The following ABCA12 variants were observed in gnomAD, a reference collection of about 807,000 sequenced individuals.
The protein encoded by ABCA12 is ATP binding cassette subfamily A member 12.
ABCA12 carries 156 observed loss-of-function variants against 293.5 expected under a neutral mutation model. The observed-to-expected ratio is 0.53, with a 90% CI of 0.47 to 0.61. The LOEUF (loss-of-function observed/expected upper bound fraction) is 0.61. Ranked by LOEUF, ABCA12 falls within the 20% of genes least tolerant of loss-of-function variation. The pLI, the probability that ABCA12 is intolerant of heterozygous loss-of-function variation, is 0.00. For synonymous variants in ABCA12, 1,063 were observed against 1,108.0 expected, an observed-to-expected ratio of 0.96 and a Z score of 0.81; for missense variants, 2,797 against 3,090.2, an observed-to-expected ratio of 0.91 and a Z score of 2.25.
intron 1 of ABCA12, among the ~76,000 whole-genome samples, chr2:215,126,206 G>A (rs1321840426): frequency 6.6e-6 from 1 of 152,004 alleles, no homozygotes; most frequent in Non-Finnish European, 1.5e-5. Flanking sequence ...CAAGTATTTT[G>A]TTAAGGATTT....
At chr2:215,010,305 T>C in intron 18 of ABCA12, 26 bp downstream of exon 18, 1 of 1,613,136 alleles carries the variant, frequency 6.2e-7, no homozygotes, top group Non-Finnish European at 8.5e-7. Context: ...ATAGTCAAAA[T>C]AGAAACTGAG....
At chr2:215,025,631 TTTTTTTTTG>T in intron 11 of ABCA12, 33 bp downstream of exon 11, 1 of 1,176,980 alleles carries the variant, frequency 8.5e-7, no homozygotes, top group Non-Finnish European at 1.1e-6. Context: ...TCTTTTTGTT[TTTTTTTTTG>T]TTTTTTGTTT....
intron 2 of ABCA12, among the ~76,000 whole-genome samples, chr2:215,108,317 C>T (rs1702503898): frequency 6.6e-6 from 1 of 152,182 alleles, no homozygotes; most frequent in African/African-American, 2.4e-5. Flanking sequence ...TTCTTGATTT[C>T]ATAATTGAGG....
At chr2:214,971,992 T>C (rs536908125) in intron 36 of ABCA12, among the ~76,000 whole-genome samples, 1 of 152,344 alleles carries the variant, frequency 6.6e-6, no homozygotes. Context: ...TAAATTTGTA[T>C]GTCCCTGATG....
chr2:215,129,784 T>A (rs1703012849), intron 1 of ABCA12, among the ~76,000 whole-genome samples: 1 of 152,230 alleles, frequency 6.6e-6, no homozygotes, highest in Non-Finnish European at 1.5e-5. Flanking sequence ...TTTTGGGGTC[T>A]TCATTATAAA....
intron 2 of ABCA12, among the ~76,000 whole-genome samples, chr2:215,097,013 T>C (rs571473126): frequency 6.6e-6 from 1 of 152,142 alleles, no homozygotes; most frequent in Non-Finnish European, 1.5e-5. Context: ...CAGACTTAGG[T>C]ATAGATCCTA....
chr2:215,115,739 T>C (rs1397784040), intron 1 of ABCA12, among the ~76,000 whole-genome samples: 1 of 152,192 alleles, frequency 6.6e-6, no homozygotes, highest in Non-Finnish European at 1.5e-5. Flanking sequence ...TTCTTCTTCT[T>C]TTCCTGAAAA....
chr2:215,097,942 C>T (rs1340099881), intron 2 of ABCA12, among the ~76,000 whole-genome samples: 1 of 152,090 alleles, frequency 6.6e-6, no homozygotes, highest in African/African-American at 2.4e-5. Flanking sequence ...ACCTGCATAA[C>T]AAAGTTCTAT....
chr2:215,030,954 C>A (rs558801258), intron 9 of ABCA12, among the ~76,000 whole-genome samples: 2 of 152,222 alleles, frequency 1.3e-5, no homozygotes, highest in South Asian at 4.1e-4. Flanking sequence ...AAAAGAATTT[C>A]AATAGTATAA....
chr2:214,978,168 TA>T, intron 33 of ABCA12, 147 bp downstream of exon 33: 1 of 924,082 alleles, frequency 1.1e-6, no homozygotes, highest in Non-Finnish European at 1.6e-6. Flanking sequence ...TTTTATATCT[TA>T]AAAAAGGAGG....
chr2:215,104,162 G>A (rs961743838), intron 2 of ABCA12, among the ~76,000 whole-genome samples: 3 of 152,088 alleles, frequency 2.0e-5, no homozygotes, highest in African/African-American at 4.8e-5. Flanking sequence ...TCCCATGGCC[G>A]ATTTCACTGA....
chr2:215,137,968 A>T (rs188588089), intron 1 of ABCA12, among the ~76,000 whole-genome samples, 172 bp downstream of exon 1: 10 of 152,082 alleles, frequency 6.6e-5, no homozygotes, highest in Admixed American at 4.6e-4. Flanking sequence ...GCATGTTAAG[A>T]CTCGCTCCAT....
At chr2:214,949,517 T>G (rs1359757124) in intron 45 of ABCA12, among the ~76,000 whole-genome samples, 1 of 152,142 alleles carries the variant, frequency 6.6e-6, no homozygotes, top group Non-Finnish European at 1.5e-5. Flanking sequence ...TTTCACATTA[T>G]TCACACAAAA....
intron 47 of ABCA12, among the ~76,000 whole-genome samples, chr2:214,948,336 A>C (rs1207498220): frequency 2.0e-5 from 3 of 152,148 alleles, no homozygotes; most frequent in African/African-American, 7.2e-5. Flanking sequence ...CCTGTATTTG[A>C]CAGTTCTTAA....
At chr2:214,967,232 C>T (rs1699282471) in intron 38 of ABCA12, among the ~76,000 whole-genome samples, 1 of 152,048 alleles carries the variant, frequency 6.6e-6, no homozygotes, top group Non-Finnish European at 1.5e-5. Flanking sequence ...TTGAAATAAA[C>T]TGGAGAAATC....
At chr2:215,010,271 T>C (rs1700342502) in intron 18 of ABCA12, 60 bp downstream of exon 18, 2 of 1,588,156 alleles carry the variant, frequency 1.3e-6, no homozygotes, top group Admixed American at 3.3e-5. Context: ...AATTTGGAAG[T>C]TGACTACTTT....
intron 7 of ABCA12, among the ~76,000 whole-genome samples, chr2:215,039,860 A>G (rs1369834970): frequency 6.6e-6 from 1 of 152,142 alleles, no homozygotes; most frequent in Non-Finnish European, 1.5e-5. Flanking sequence ...GCATTTCAAT[A>G]TTTAATAAAT....
chr2:214,948,749 G>A lies in ABCA12; in HGVS notation c.6963-12C>T. 1 of 1,613,842 alleles carries A rather than the reference G, an allele frequency of 6.2e-7. No individual in the cohort carries two copies. ...CGTGACCCAGAGATCTGAATTGAGA[G>A]AATCAAAAACACAGATGAATTTCAA... is the stretch of plus-strand genomic sequence containing the variant. On this transcript the variant is annotated splice_polypyrimidine_tract_variant and intron_variant, in intron 46 of 52. Coordinates refer to ENST00000272895, the MANE Select transcript of ABCA12 (RefSeq NM_173076.3).
intron 2 of ABCA12, among the ~76,000 whole-genome samples, chr2:215,071,393 T>TC (rs1701736334): frequency 6.6e-6 from 1 of 151,042 alleles, no homozygotes; most frequent in African/African-American, 2.4e-5. Context: ...AGCAATTTGG[T>TC]CAAAGTCCAA....
Sources: gnomAD v4.1 joint callset for allele counts (sites outside exome capture counted in the v4.1 genomes callset) on GRCh38, gnomAD v4.1.1 for gene constraint, MANE v1.5 for transcripts, NCBI Gene and HGNC (gene_info 2026-07-23, HGNC 2026-07-21) for gene names.